The following RAB22A variants were observed in gnomAD, a reference collection of about 807,000 sequenced individuals.
RAB22A encodes the protein RAB22A, member RAS oncogene family.
A neutral mutation model predicts 30.2 loss-of-function variants in RAB22A; 13 were observed. The ratio of observed to expected loss-of-function variants is 0.43; its 90% CI spans 0.28 to 0.68. The LOEUF (loss-of-function observed/expected upper bound fraction) is 0.68. Among genes scored for constraint, RAB22A ranks in the 30% least tolerant of loss-of-function variants. RAB22A has a pLI of 0.18. For synonymous variants in RAB22A, 89 were observed against 87.2 expected (o/e 1.02, Z -0.11); for missense variants, 177 against 246.8 (o/e 0.72, Z 1.89).
intron 2 of RAB22A, among the ~76,000 whole-genome samples, chr20:58,333,451 A>G (rs1476410680): frequency 2.6e-5 from 4 of 152,220 alleles, no homozygotes; most frequent in Non-Finnish European, 5.9e-5. Flanking sequence ...CAGTAGGCCC[A>G]TATCAAGAAA....
intron 2 of RAB22A, among the ~76,000 whole-genome samples, chr20:58,313,079 C>T (rs1443143767): frequency 3.3e-5 from 5 of 152,132 alleles, no homozygotes; most frequent in Non-Finnish European, 7.4e-5. Context: ...CACCCAGACA[C>T]CACCTTGGCT....
At chr20:58,326,045 A>G (rs1228108237) in intron 2 of RAB22A, among the ~76,000 whole-genome samples, 1 of 152,224 alleles carries the variant, frequency 6.6e-6, no homozygotes, top group Non-Finnish European at 1.5e-5. Flanking sequence ...TTAATATCTT[A>G]CTGATAAAGC....
intron 3 of RAB22A, among the ~76,000 whole-genome samples, chr20:58,344,655 C>A (rs1986914169): frequency 6.6e-6 from 1 of 152,226 alleles, no homozygotes; most frequent in African/African-American, 2.4e-5. Flanking sequence ...CTATCTTAAG[C>A]TCTTAAAAGT....
chr20:58,355,939 A>C (rs1354815602), intron 6 of RAB22A, among the ~76,000 whole-genome samples: 1 of 152,230 alleles, frequency 6.6e-6, no homozygotes, highest in Non-Finnish European at 1.5e-5. Context: ...CTCAAGCTAA[A>C]ATGTCTAAGT....
intron 2 of RAB22A, among the ~76,000 whole-genome samples, chr20:58,334,316 C>G (rs1986708899): frequency 6.8e-6 from 1 of 146,470 alleles, no homozygotes; most frequent in African/African-American, 2.5e-5. Flanking sequence ...GCCTGGGCGA[C>G]AAGAGCGAAA....
At chr20:58,348,175 C>T (rs528182337) in intron 3 of RAB22A, among the ~76,000 whole-genome samples, 2 of 152,040 alleles carry the variant, frequency 1.3e-5, no homozygotes, top group Non-Finnish European at 2.9e-5. Context: ...TGCAGTGAGC[C>T]GAGATCGCAC....
rs893323175 is a variant in RAB22A at position 58,363,185 on chromosome 20, T to C, written c.*3482T>C. The C allele has an allele frequency of 1.2e-4, 18 of 152,240 alleles. No individual in the cohort carries two copies. Among genetic ancestry groups the C allele is most frequent in the African/African-American group, 4.1e-4 (17 of 41,470 alleles). 9.4% of individuals were successfully genotyped at this position (152,240 alleles called of 1,614,324 possible). On this transcript the variant is annotated 3_prime_UTR_variant, in exon 7 of 7. Transcript: ENST00000244040. ...TCCGACGACACTGCACTAATTGGCA[T>C]GTCAGCCTCCAGCTCAGAAAGGCAT...
rs1242839313 is a variant in RAB22A at position 58,361,183 on chromosome 20, T to C, written c.*1480T>C. On this transcript the variant is annotated 3_prime_UTR_variant, in exon 7 of 7. Coordinates refer to ENST00000244040, the MANE Select transcript of RAB22A (RefSeq NM_020673.3). ...TGGCACCCTTCCAACCTGAGTATTG[T>C]AGGGGAAGGAAATTTACAAGATTTA... 6.6e-6 allele frequency: 1 copy of C among 152,626 alleles called. No homozygotes were observed. The highest frequency in any genetic ancestry group is 1.5e-5 in the Non-Finnish European group (1 of 68,030). The allele number at this position is 152,626 out of a possible 1,614,324, so 9.5% of individuals were successfully genotyped here.
rs1986214985 is a variant in RAB22A, at chr20:58,311,023, C to T, written c.37-20C>T. ...CAAAAGGTAAACTTTTTCTCAGTCC[C>T]TCATCTCGTTCTCTTTCAGGATACA... is the stretch of plus-strand genomic sequence containing the variant. On this transcript the variant is annotated intron_variant, in intron 1 of 6. Transcript: ENST00000244040. The T allele has an allele frequency of 6.4e-7, 1 of 1,569,110 alleles. No individual in the cohort carries two copies. Among genetic ancestry groups the T allele is most frequent in the Non-Finnish European group, 8.8e-7 (1 of 1,139,128 alleles).
At position 58,309,780 on chromosome 20, in the gene RAB22A, C is replaced by G. The variant is rs1034720424; in HGVS notation, c.-197C>G. The G allele has an allele frequency of 1.6e-5, 6 of 383,070 alleles. No homozygotes were observed. Among genetic ancestry groups the G allele is most frequent in the Non-Finnish European group, 2.2e-5 (5 of 231,230 alleles). The allele number at this position is 383,070 out of a possible 1,614,324, so 23.7% of individuals were successfully genotyped here. On this transcript the variant is annotated 5_prime_UTR_variant, in exon 1 of 7. Transcript: ENST00000244040. ...CTCCCGGAAGGCCGCGGCGGCGTCC[C>G]GGCTGCTAAGGCGGGCCCCACGCGG...
At chr20:58,357,306 G>A (rs1987148042) in intron 6 of RAB22A, among the ~76,000 whole-genome samples, 1 of 152,152 alleles carries the variant, frequency 6.6e-6, no homozygotes, top group South Asian at 2.1e-4. Flanking sequence ...CTGTTTTCCT[G>A]TTGGGTTACC....
intron 3 of RAB22A, among the ~76,000 whole-genome samples, chr20:58,352,207 C>G (rs939550325): frequency 6.6e-6 from 1 of 152,022 alleles, no homozygotes; most frequent in African/African-American, 2.4e-5. Flanking sequence ...TATCGTAAAA[C>G]TCAAATTAAT....
rs561999733 is a variant in RAB22A, at chr20:58,340,995, C to T, written c.117-2723C>T. Among the ~76,000 whole-genome samples, 3 of 152,224 alleles carry T rather than the reference C, an allele frequency of 2.0e-5. No individual in the cohort carries two copies. In the South Asian group the frequency reaches 6.2e-4, roughly 32 times the overall value. ...AGTTTGATGACTGCAGTGGCCAAGG[C>T]AGGATGTGCTGGGGTCATGAACCAG... On this transcript the variant is annotated intron_variant, in intron 2 of 6. Coordinates refer to ENST00000244040, the MANE Select transcript of RAB22A (RefSeq NM_020673.3).
intron 2 of RAB22A, among the ~76,000 whole-genome samples, chr20:58,335,827 G>C (rs1195133053): frequency 6.6e-6 from 1 of 152,192 alleles, no homozygotes; most frequent in African/African-American, 2.4e-5. Context: ...ACTGACAGAA[G>C]CCTGCTACAT....
In RAB22A at chr20:58,353,491, T is replaced by G. The variant is rs1481495509; in HGVS notation, c.330T>G (p.Asn110Lys). 6.2e-7 allele frequency: 1 copy of G among 1,613,028 alleles called. No individual in the cohort carries two copies. Among genetic ancestry groups the G allele is most frequent in the African/African-American group, 1.3e-5 (1 of 74,934 alleles). The change falls in exon 5 of 7, where the codon AAT becomes AAG. Residue 110 changes from asparagine (N) to lysine (K), a missense_variant. Transcript: ENST00000244040. The part of the protein sequence containing the change: ...VKELRQHGPP[N>K]IVVAIAGNKC... ...AGCTTCGACAGCATGGCCCACCTAATATTGTAGTTGCCATTGCAGGAAATA... is the reference window on the plus strand; with the variant it reads ...AGCTTCGACAGCATGGCCCACCTAAGATTGTAGTTGCCATTGCAGGAAATA...
Position 58,315,102 on chromosome 20 carries a change from C to T in RAB22A, c.116+3980C>T, listed in dbSNP as rs77407770. ...GGGCCCTGGAGTCCGGAGGAGGAGC[C>T]GACATCACTTACTGCAGAACACATC... On this transcript the variant is annotated intron_variant, in intron 2 of 6. Coordinates refer to ENST00000244040, the MANE Select transcript of RAB22A (RefSeq NM_020673.3). Among the ~76,000 whole-genome samples, 478 of 152,152 alleles carry T rather than the reference C, an allele frequency of 3.1e-3. 3 individuals are homozygous for T. Among genetic ancestry groups the T allele is most frequent in the African/African-American group, 0.011 (463 of 41,490 alleles).
intron 2 of RAB22A, among the ~76,000 whole-genome samples, chr20:58,335,047 G>A (rs544691067): frequency 3.9e-5 from 6 of 152,250 alleles, no homozygotes; most frequent in South Asian, 2.1e-4. Flanking sequence ...GGCAAAGTGC[G>A]ATATAGTCAC....
intron 3 of RAB22A, among the ~76,000 whole-genome samples, chr20:58,352,708 A>G (rs1325613751): frequency 6.6e-6 from 1 of 152,232 alleles, no homozygotes. Flanking sequence ...TCAGGGTTAA[A>G]TTGATGTAAA....
chr20:58,329,449 CGTT>C (rs1986627562), intron 2 of RAB22A, among the ~76,000 whole-genome samples: 1 of 152,148 alleles, frequency 6.6e-6, no homozygotes, highest in Non-Finnish European at 1.5e-5. Flanking sequence ...TCCTGGCCTT[CGTT>C]GTTTTTGTTG....
Sources: allele counts gnomAD v4.1 joint callset (sites outside exome capture counted in the v4.1 genomes callset), GRCh38; gene constraint gnomAD v4.1.1; transcripts MANE v1.5; gene names NCBI Gene and HGNC (gene_info 2026-07-23, HGNC 2026-07-21).